Variants in GRIA4 observed in about 807,000 individuals in gnomAD.
The protein encoded by GRIA4 is glutamate ionotropic receptor AMPA type subunit 4.
GRIA4 carries 34 observed loss-of-function variants against 104.0 expected under a neutral mutation model. The ratio of observed to expected loss-of-function variants is 0.33; its 90% CI spans 0.25 to 0.44. GRIA4 has a LOEUF of 0.44. Among genes scored for constraint, GRIA4 ranks in the 20% least tolerant of loss-of-function variants. The probability of loss-of-function intolerance (pLI) is 1.00; values close to 1 mark genes in which losing one functional copy is unlikely to be tolerated. For synonymous variants in GRIA4, 386 were observed against 381.9 expected, an observed-to-expected ratio of 1.01 and a Z score of -0.13; for missense variants, 750 against 1,096.5, an observed-to-expected ratio of 0.68 and a Z score of 4.46.
At chr11:105,872,960 A>G (rs922411908) in intron 5 of GRIA4, among the ~76,000 whole-genome samples, 12 of 152,026 alleles carry the variant, frequency 7.9e-5, no homozygotes, top group Non-Finnish European at 1.8e-4. Flanking sequence ...GTTCTGGGAT[A>G]CATGTGCAGA....
chr11:105,853,728 T>A (rs1485071990), intron 4 of GRIA4, among the ~76,000 whole-genome samples: 1 of 151,894 alleles, frequency 6.6e-6, no homozygotes, highest in Non-Finnish European at 1.5e-5. Flanking sequence ...ATTGGTGGGG[T>A]GGGGGGAGTG....
chr11:105,866,547 GTGTGTATA>G (rs1319667081), intron 5 of GRIA4, among the ~76,000 whole-genome samples: 2 of 42,666 alleles, frequency 4.7e-5, no homozygotes, highest in African/African-American at 2.2e-4. Context: ...GTGTGTGTGT[GTGTGTATA>G]TATATATATA....
At chr11:105,853,349 G>T (rs1944888339) in intron 4 of GRIA4, among the ~76,000 whole-genome samples, 1 of 152,098 alleles carries the variant, frequency 6.6e-6, no homozygotes, top group Non-Finnish European at 1.5e-5. Flanking sequence ...TATAAATAAA[G>T]ATTATGAAAA....
chr11:105,623,575 CT>C (rs1950809840), intron 3 of GRIA4, among the ~76,000 whole-genome samples: 1 of 151,996 alleles, frequency 6.6e-6, no homozygotes, highest in Non-Finnish European at 1.5e-5. Flanking sequence ...CGTCTATGCC[CT>C]TGTACCTGCC....
rs550573199 is a variant in GRIA4, at chr11:105,898,567, T to C, written c.885+140T>C. ...AAGCATTTTGTCCTTATAACTGCCTTGCACATGCTCTTAATAATTTCTAAA... is the reference window on the plus strand; with the variant it reads ...AAGCATTTTGTCCTTATAACTGCCTCGCACATGCTCTTAATAATTTCTAAA... On this transcript the variant is annotated intron_variant, in intron 7 of 16. Coordinates refer to ENST00000282499, the MANE Select transcript of GRIA4 (RefSeq NM_000829.4). 1.1e-5 allele frequency: 7 copies of C among 615,690 alleles called. No homozygotes were observed. The South Asian group carries it at 1.3e-4, about 11-fold the overall frequency. The allele number at this position is 615,690 out of a possible 1,614,324, so 38.1% of individuals were successfully genotyped here.
chr11:105,788,255 G>T (rs1336081254), intron 4 of GRIA4, among the ~76,000 whole-genome samples: 1 of 152,048 alleles, frequency 6.6e-6, no homozygotes, highest in Non-Finnish European at 1.5e-5. Flanking sequence ...AAAAGATGTT[G>T]GCATGGATGT....
intron 3 of GRIA4, among the ~76,000 whole-genome samples, chr11:105,640,444 T>C (rs1423738866): frequency 6.6e-6 from 1 of 151,860 alleles, no homozygotes; most frequent in Non-Finnish European, 1.5e-5. Context: ...ATAATAAAAA[T>C]GCACATACTA....
At chr11:105,688,974 G>A (rs1398561906) in intron 3 of GRIA4, among the ~76,000 whole-genome samples, 1 of 152,052 alleles carries the variant, frequency 6.6e-6, no homozygotes, top group Non-Finnish European at 1.5e-5. Context: ...GCTTATAGTT[G>A]ATGAACTGGG....
chr11:105,843,148 C>T lies in GRIA4; in HGVS notation c.488-18876C>T, dbSNP rs142661159. ...TTTTTAAGATCCTCGCTCTTCCAAGCGCTCTGCCTTGGGCAAACCACTCTG... is the reference window on the plus strand; with the variant it reads ...TTTTTAAGATCCTCGCTCTTCCAAGTGCTCTGCCTTGGGCAAACCACTCTG... On this transcript the variant is annotated intron_variant, in intron 4 of 16. Coordinates refer to ENST00000282499, the MANE Select transcript of GRIA4 (RefSeq NM_000829.4). 2.9e-4 allele frequency among the ~76,000 whole-genome samples: 44 copies of T among 152,274 alleles called. No individual in the cohort carries two copies. In the East Asian group the frequency reaches 8.1e-3, roughly 28 times the overall value.
chr11:105,621,852 C>A (rs539527986), intron 3 of GRIA4, among the ~76,000 whole-genome samples: 1 of 151,818 alleles, frequency 6.6e-6, no homozygotes, highest in African/African-American at 2.4e-5. Context: ...GACTTGCCAA[C>A]AGTGACGATT....
At chr11:105,793,595 C>T (rs1196829774) in intron 4 of GRIA4, among the ~76,000 whole-genome samples, 1 of 152,078 alleles carries the variant, frequency 6.6e-6, no homozygotes, top group Non-Finnish European at 1.5e-5. Flanking sequence ...TGAAAGCCTC[C>T]CATGAAGCTG....
intron 4 of GRIA4, among the ~76,000 whole-genome samples, chr11:105,801,172 A>G (rs1942704231): frequency 6.6e-6 from 1 of 151,582 alleles, no homozygotes. Flanking sequence ...CTTAAAACTC[A>G]GAGAGAAAAA....
chr11:105,818,881 G>A (rs775316947), intron 4 of GRIA4, among the ~76,000 whole-genome samples: 1 of 152,128 alleles, frequency 6.6e-6, no homozygotes, highest in African/African-American at 2.4e-5. Context: ...CATATGTTTT[G>A]AAACTTAACT....
chr11:105,648,201 T>A (rs1204878245), intron 3 of GRIA4, among the ~76,000 whole-genome samples: 1 of 151,766 alleles, frequency 6.6e-6, no homozygotes, highest in Non-Finnish European at 1.5e-5. Context: ...TATAGTGAGA[T>A]AAATAAGCAT....
At chr11:105,946,893 C>T (rs1463026620) in intron 14 of GRIA4, among the ~76,000 whole-genome samples, 2 of 152,144 alleles carry the variant, frequency 1.3e-5, no homozygotes, top group Non-Finnish European at 2.9e-5. Context: ...AAATAGTCAT[C>T]GTCTTCCAGT....
At chr11:105,791,330 T>G (rs1054140959) in intron 4 of GRIA4, among the ~76,000 whole-genome samples, 2 of 152,118 alleles carry the variant, frequency 1.3e-5, no homozygotes, top group Admixed American at 6.5e-5. Context: ...ATATCAATAC[T>G]AATATGTCCA....
intron 3 of GRIA4, among the ~76,000 whole-genome samples, chr11:105,671,554 T>G (rs1952367288): frequency 6.6e-6 from 1 of 151,104 alleles, no homozygotes; most frequent in Non-Finnish European, 1.5e-5. Flanking sequence ...GGTAGGCACC[T>G]GTAATCCCAG....
chr11:105,780,512 G>T (rs554237814), intron 4 of GRIA4, among the ~76,000 whole-genome samples: 2 of 152,044 alleles, frequency 1.3e-5, no homozygotes, highest in African/African-American at 4.8e-5. Context: ...TGCCCATAAA[G>T]ATTTTTTAAA....
chr11:105,613,798 A>G (rs542137056), intron 3 of GRIA4: 1 of 152,084 alleles, frequency 6.6e-6, no homozygotes, highest in South Asian at 2.1e-4. Context: ...TAATTATATT[A>G]TTTTTCAGGA....
Sources: gnomAD v4.1 joint callset for allele counts (sites outside exome capture counted in the v4.1 genomes callset) on GRCh38, gnomAD v4.1.1 for gene constraint, MANE v1.5 for transcripts, NCBI Gene and HGNC (gene_info 2026-07-23, HGNC 2026-07-21) for gene names.